ITPR1: variants seen among roughly 807,000 people sequenced by gnomAD.
ITPR1 encodes inositol 1,4,5-trisphosphate-gated calcium channel ITPR1.
Under a neutral mutation model 318.4 loss-of-function variants are expected in ITPR1, and 96 were observed. That is an observed-to-expected ratio of 0.30 (90% CI 0.26 to 0.36). The LOEUF is 0.36. ITPR1 is among the 10% of genes least tolerant of loss of function. The pLI, the probability that ITPR1 is intolerant of heterozygous loss-of-function variation, is 1.00. For synonymous variants in ITPR1, 1,312 were observed against 1,289.9 expected (o/e 1.02, Z -0.37); for missense variants, 2,440 against 3,460.2 (o/e 0.71, Z 7.40).
In ITPR1 at chr3:4,831,106, G is replaced by GTC. The variant is rs147851903; in HGVS notation, c.8029-5643_8029-5642dup. ...CTTCCTCCTCCGTCTGTCTGTCTTT[G>GTC]TCTCTCTCTCTCTCTCTCTCTCTCT... On this transcript the variant is annotated intron_variant, in intron 60 of 61. Coordinates refer to ENST00000649015, the MANE Select transcript of ITPR1 (RefSeq NM_001378452.1). 687 of 395,722 alleles carry GTC rather than the reference G, an allele frequency of 1.7e-3. 1 individual carries two copies. The highest frequency in any genetic ancestry group is 3.3e-3 in the South Asian group (183 of 54,648). 24.5% of individuals were successfully genotyped at this position (395,722 alleles called of 1,614,324 possible). A position where few individuals can be genotyped will look rare whatever the true frequency, so the allele number is the denominator to read the frequency against.
At chr3:4,707,807 A>G (rs2125275820) in intron 37 of ITPR1, among the ~76,000 whole-genome samples, 1 of 152,326 alleles carries the variant, frequency 6.6e-6, no homozygotes, top group South Asian at 2.1e-4. Flanking sequence ...CTATGATTGT[A>G]ATAGTTACTG....
At chr3:4,755,169 ATT>A (rs35849657) in intron 44 of ITPR1, among the ~76,000 whole-genome samples, 30,369 of 131,202 alleles carry the variant, frequency 0.23, 3,867 homozygotes, top group Middle Eastern at 0.46. Flanking sequence ...AATACCTTTA[ATT>A]TTTTTTTTTT....
chr3:4,809,325 A>G lies in ITPR1; in HGVS notation c.7273-1940A>G, dbSNP rs61071105. On this transcript the variant is annotated intron_variant, in intron 55 of 61. Transcript: ENST00000649015. ...AGTGTTCCTCACAGCATTATTTGTT[A>G]TGACATATAATTGGAAACATCTTGA... Among the ~76,000 whole-genome samples the G allele has an allele frequency of 4.2e-3, 645 of 152,362 alleles. 2 individuals are homozygous for G. The highest frequency in any genetic ancestry group is 0.015 in the African/African-American group (613 of 41,592).
chr3:4,802,969 T>C (rs1248738086), intron 54 of ITPR1, among the ~76,000 whole-genome samples: 1 of 152,170 alleles, frequency 6.6e-6, no homozygotes, highest in African/African-American at 2.4e-5. Flanking sequence ...CACATTGCTA[T>C]AAAATGCCTG....
chr3:4,794,763 C>T (rs769951157), intron 52 of ITPR1, among the ~76,000 whole-genome samples: 5 of 152,160 alleles, frequency 3.3e-5, no homozygotes, highest in African/African-American at 9.7e-5. Context: ...CCCCAGATTC[C>T]GCAACTGATG....
intron 12 of ITPR1, among the ~76,000 whole-genome samples, chr3:4,654,481 G>A (rs1344982867): frequency 6.6e-6 from 1 of 152,220 alleles, no homozygotes; most frequent in Non-Finnish European, 1.5e-5. Flanking sequence ...CTGATACGTA[G>A]ACACTTTGGA....
intron 57 of ITPR1, among the ~76,000 whole-genome samples, chr3:4,813,579 C>T (rs752664013): frequency 2.0e-5 from 3 of 152,098 alleles, no homozygotes; most frequent in African/African-American, 2.4e-5. Context: ...GTTAGGCACC[C>T]GGCCTACTAC....
chr3:4,656,589 AACACACATAG>A (rs1439904283), intron 12 of ITPR1, among the ~76,000 whole-genome samples: 2 of 152,206 alleles, frequency 1.3e-5, no homozygotes, highest in African/African-American at 4.8e-5. Flanking sequence ...TTTTTAAAAA[AACACACATAG>A]AGGTTGGGGG....
chr3:4,662,302 A>G (rs2093851564), intron 15 of ITPR1, 60 bp downstream of exon 15: 4 of 1,385,988 alleles, frequency 2.9e-6, no homozygotes, highest in African/African-American at 2.9e-5. Flanking sequence ...TCTGACATCC[A>G]TGGGGTGGAG....
chr3:4,661,463 A>G (rs1349944144), intron 14 of ITPR1, among the ~76,000 whole-genome samples: 2 of 152,042 alleles, frequency 1.3e-5, no homozygotes, highest in Admixed American at 6.6e-5. Context: ...GTTTCTCTCT[A>G]TATGTCAATA....
chr3:4,813,431 G>A (rs1412831355), intron 57 of ITPR1, among the ~76,000 whole-genome samples, 197 bp downstream of exon 57: 2 of 152,178 alleles, frequency 1.3e-5, no homozygotes, highest in East Asian at 1.9e-4. Flanking sequence ...TGATTCAGCC[G>A]ATTTATACTG....
intron 12 of ITPR1, among the ~76,000 whole-genome samples, chr3:4,656,907 C>T (rs947309023): frequency 1.3e-5 from 2 of 152,312 alleles, no homozygotes; most frequent in Non-Finnish European, 2.9e-5. Flanking sequence ...GGGCTGAGCG[C>T]GAGCTGGCCA....
intron 54 of ITPR1, 117 bp downstream of exon 54, chr3:4,800,717 C>A: frequency 3.7e-6 from 4 of 1,089,180 alleles, no homozygotes; most frequent in Middle Eastern, 2.1e-4. Flanking sequence ...TTGTTTGGGG[C>A]AACTGTTTAA....
chr3:4,534,644 T>C (rs1200629463), intron 4 of ITPR1, among the ~76,000 whole-genome samples: 1 of 152,236 alleles, frequency 6.6e-6, no homozygotes, highest in African/African-American at 2.4e-5. Flanking sequence ...GTTCCTTTCT[T>C]CGTCTGGTAT....
At chr3:4,706,422 C>A (rs2094758645) in intron 37 of ITPR1, 71 bp downstream of exon 37, 1 of 1,373,068 alleles carries the variant, frequency 7.3e-7, no homozygotes, top group Non-Finnish European at 9.9e-7. Context: ...GCAGTGCATC[C>A]TTGAGCCACA....
chr3:4,616,259 G>A (rs1396425182), intron 4 of ITPR1, among the ~76,000 whole-genome samples: 1 of 152,180 alleles, frequency 6.6e-6, no homozygotes, highest in Non-Finnish European at 1.5e-5. Flanking sequence ...GAATATATCA[G>A]GAATAGAATG....
At chr3:4,580,187 G>A (rs907447670) in intron 4 of ITPR1, among the ~76,000 whole-genome samples, 3 of 152,052 alleles carry the variant, frequency 2.0e-5, no homozygotes, top group African/African-American at 7.2e-5. Flanking sequence ...TCCATCCTGG[G>A]CAACAGAGCC....
At chr3:4,784,243 T>C (rs1169986845) in intron 51 of ITPR1, among the ~76,000 whole-genome samples, 1 of 152,158 alleles carries the variant, frequency 6.6e-6, no homozygotes, top group African/African-American at 2.4e-5. Flanking sequence ...TGAAGAAATT[T>C]CATCTGAACC....
intron 3 of ITPR1, among the ~76,000 whole-genome samples, chr3:4,518,419 C>T (rs1181410676): frequency 1.3e-5 from 2 of 152,132 alleles, no homozygotes; most frequent in African/African-American, 2.4e-5. Flanking sequence ...AGGAGGGCTT[C>T]TTTTTGAACT....
Sources: allele counts gnomAD v4.1 joint callset (sites outside exome capture counted in the v4.1 genomes callset), GRCh38; gene constraint gnomAD v4.1.1; transcripts MANE v1.5; gene names NCBI Gene and HGNC (gene_info 2026-07-23, HGNC 2026-07-21).